PLD5: variants seen among roughly 807,000 people sequenced by gnomAD.
PLD5 encodes the protein inactive phospholipase D5.
Under a neutral mutation model 61.1 loss-of-function variants are expected in PLD5, and 36 were observed. The ratio of observed to expected loss-of-function variants is 0.59; its 90% confidence interval spans 0.45 to 0.78. The LOEUF (loss-of-function observed/expected upper bound fraction) is 0.78, where lower values mean the gene tolerates loss of function less well. Ranked by LOEUF, PLD5 falls within the 30% of genes least tolerant of loss-of-function variation. PLD5 has a pLI of 0.00. For synonymous variants in PLD5, 243 were observed against 242.8 expected, an observed-to-expected ratio of 1.00 and a Z score of -0.01; for missense variants, 515 against 644.4, an observed-to-expected ratio of 0.80 and a Z score of 2.17.
chr1:242,301,765 C>T (rs61847179), intron 2 of PLD5, among the ~76,000 whole-genome samples: 2 of 141,034 alleles, frequency 1.4e-5, no homozygotes, highest in African/African-American at 5.3e-5. Flanking sequence ...TTTTTTAAAA[C>T]ATTATTATTA....
At chr1:242,309,331 C>T (rs1475626683) in intron 2 of PLD5, among the ~76,000 whole-genome samples, 2 of 151,086 alleles carry the variant, frequency 1.3e-5, no homozygotes, top group African/African-American at 4.9e-5. Context: ...AGAACAACAA[C>T]AACAACAACA....
rs111703635 is a variant in PLD5 at position 242,183,623 on chromosome 1, C to T, written c.735+36365G>A. 7.5e-3 allele frequency among the ~76,000 whole-genome samples: 1,140 copies of T among 152,272 alleles called. 13 individuals are homozygous for T. Among genetic ancestry groups the T allele is most frequent in the African/African-American group, 0.025 (1,045 of 41,546 alleles). ...CCAAAACAAACACCTAGGCCGGGCG[C>T]GGTGGCTCACGCCTGTAATCCCAGC... is the stretch of plus-strand genomic sequence containing the variant. On this transcript the variant is annotated intron_variant, in intron 5 of 9. Coordinates refer to ENST00000536534, the MANE Select transcript of PLD5 (RefSeq NM_001372062.1).
rs183633207 is a variant in PLD5, at chr1:242,116,668, G to C, written c.934-2642C>G. ...ACTTATAAGTGAGAACATGGTATTT[G>C]GTTTTCTGTTCCTGCAGTGATTTCC... On this transcript the variant is annotated intron_variant, in intron 6 of 9. Transcript: ENST00000536534. Among the ~76,000 whole-genome samples the C allele has an allele frequency of 2.2e-4, 33 of 152,168 alleles. No homozygotes were observed. The East Asian group carries it at 6.0e-3, about 28-fold the overall frequency.
chr1:242,207,974 T>TG lies in PLD5; in HGVS notation c.735+12013_735+12014insC. Among the ~76,000 whole-genome samples the TG allele has an allele frequency of 5.7e-5, 2 of 35,302 alleles. 1 individual carries two copies. Among genetic ancestry groups the TG allele is most frequent in the South Asian group, 2.7e-3 (2 of 728 alleles). The allele number at this position is 35,302 out of a possible 152,430, so 23.2% of individuals were successfully genotyped here. ...TTTATTTATATATATTTATATATAT[T>TG]TTTATATATATATTTATACACACAC... On this transcript the variant is annotated intron_variant, in intron 5 of 9. Transcript: ENST00000536534.
chr1:242,256,535 T>C lies in PLD5; in HGVS notation c.607+8802A>G, dbSNP rs975097010. Among the ~76,000 whole-genome samples, 13 of 152,190 alleles carry C rather than the reference T, an allele frequency of 8.5e-5. No homozygotes were observed. The highest frequency in any genetic ancestry group is 2.6e-4 in the Admixed American group (4 of 15,284). On this transcript the variant is annotated intron_variant, in intron 4 of 9. Transcript: ENST00000536534. This position sits in a 1 kb window ranked among gnomAD's most constrained non-coding sequence, Gnocchi z 5.7. ...GATTCTTTTGTGCCCTTCTGTCTTA[T>C]CCGCCACGTGAGGACACAGCGTTTG...
intron 2 of PLD5, among the ~76,000 whole-genome samples, chr1:242,313,654 C>T (rs1676836071): frequency 6.6e-6 from 1 of 152,196 alleles, no homozygotes; most frequent in African/African-American, 2.4e-5. Context: ...CATTGTGTGC[C>T]TCCTTCATTT....
At chr1:242,233,068 C>T (rs776540285) in intron 4 of PLD5, among the ~76,000 whole-genome samples, 8 of 151,704 alleles carry the variant, frequency 5.3e-5, no homozygotes, top group Non-Finnish European at 1.2e-4. Context: ...GCAGAAGAAT[C>T]GCTTGAACCC....
chr1:242,478,010 C>A (rs750024976), intron 1 of PLD5, among the ~76,000 whole-genome samples: 1 of 152,222 alleles, frequency 6.6e-6, no homozygotes, highest in Non-Finnish European at 1.5e-5. Flanking sequence ...ATTGTCTCTA[C>A]AGCCAGTGAA....
chr1:242,493,876 A>G (rs886797363), intron 1 of PLD5, among the ~76,000 whole-genome samples: 2 of 152,190 alleles, frequency 1.3e-5, no homozygotes, highest in Admixed American at 6.5e-5. Context: ...TCTTTTTAGT[A>G]TTCCTGACTG....
chr1:242,397,828 G>A (rs1663688058), intron 1 of PLD5, among the ~76,000 whole-genome samples: 1 of 146,188 alleles, frequency 6.8e-6, no homozygotes, highest in African/African-American at 2.6e-5. Context: ...AGAGTTCCTA[G>A]AACACAGCAG....
chr1:242,220,727 T>TTATTTTA (rs1670526704), intron 4 of PLD5, among the ~76,000 whole-genome samples: 1 of 147,854 alleles, frequency 6.8e-6, no homozygotes, highest in Non-Finnish European at 1.5e-5. Context: ...TTATTTTATT[T>TTATTTTA]TATTTTATTT....
intron 4 of PLD5, among the ~76,000 whole-genome samples, chr1:242,250,292 C>T (rs375573398): frequency 1.3e-4 from 20 of 152,212 alleles, no homozygotes; most frequent in African/African-American, 3.1e-4. Context: ...TGCCTACACA[C>T]ATGTCAGTCA....
intron 1 of PLD5, among the ~76,000 whole-genome samples, chr1:242,429,922 A>AT (rs1010253677): frequency 1.0e-4 from 15 of 145,038 alleles, no homozygotes; most frequent in Non-Finnish European, 1.8e-4. Context: ...TTTTTAGGTC[A>AT]TTTTTTTGTA....
At chr1:242,204,791 A>T (rs889505399) in intron 5 of PLD5, among the ~76,000 whole-genome samples, 2 of 152,164 alleles carry the variant, frequency 1.3e-5, no homozygotes, top group African/African-American at 4.8e-5. Flanking sequence ...CCTGGGTCAT[A>T]TAACGATTAA....
At chr1:242,225,551 TGGTA>T (rs1381554136) in intron 4 of PLD5, among the ~76,000 whole-genome samples, 1 of 151,624 alleles carries the variant, frequency 6.6e-6, no homozygotes, top group Non-Finnish European at 1.5e-5. Flanking sequence ...TGATATTTCA[TGGTA>T]TGGAATGCAC....
At position 242,083,359 on chromosome 1, in the gene PLD5, T is replaced by C. The variant is rs1014645263; in HGVS notation, c.*6495A>G. The stretch of plus-strand genomic sequence containing the variant: ...GCCCTCTGGCCTGAAAATGAGTCTC[T>C]TTGGGTCGGGTACTGAACCTTGGTA... On this transcript the variant is annotated 3_prime_UTR_variant, in exon 10 of 10. Transcript: ENST00000536534. The C allele has an allele frequency of 2.0e-5, 3 of 152,196 alleles. No individual in the cohort carries two copies. Among genetic ancestry groups the C allele is most frequent in the Non-Finnish European group, 2.9e-5 (2 of 68,066 alleles). 9.4% of individuals were successfully genotyped at this position (152,196 alleles called of 1,614,324 possible).
chr1:242,495,422 C>T (rs1668339088), intron 1 of PLD5, among the ~76,000 whole-genome samples: 1 of 151,974 alleles, frequency 6.6e-6, no homozygotes, highest in Admixed American at 6.6e-5. Context: ...CAAACAAGTT[C>T]ATGAATGAAA....
chr1:242,361,312 T>C (rs1307071260), intron 1 of PLD5, among the ~76,000 whole-genome samples: 2 of 152,182 alleles, frequency 1.3e-5, no homozygotes, highest in East Asian at 3.8e-4. Context: ...CAATATAAGG[T>C]CATGCCACTA....
chr1:242,352,351 A>T (rs1276316415), intron 1 of PLD5, among the ~76,000 whole-genome samples: 1 of 152,198 alleles, frequency 6.6e-6, no homozygotes, highest in East Asian at 1.9e-4. Context: ...TATGTTCTCC[A>T]ATTCTATCCA....
Sources: gnomAD v4.1 joint callset for allele counts (sites outside exome capture counted in the v4.1 genomes callset) on GRCh38, gnomAD v4.1.1 for gene constraint, Gnocchi (gnomAD v3.1) non-coding constraint, MANE v1.5 for transcripts, NCBI Gene and HGNC (gene_info 2026-07-23, HGNC 2026-07-21) for gene names.